The following PAK3 variants were observed in gnomAD, a reference collection of about 807,000 sequenced individuals.
PAK3 encodes the protein p21 (RAC1) activated kinase 3, also known as serine/threonine-protein kinase PAK 3.
PAK3 carries 4 observed loss-of-function variants against 41.0 expected under a neutral mutation model. The observed-to-expected ratio is 0.10, with a 90% CI of 0.05 to 0.22. The LOEUF is 0.22. Among genes scored for constraint, PAK3 ranks in the 10% least tolerant of loss-of-function variants. The pLI, the probability that PAK3 is intolerant of heterozygous loss-of-function variation, is 1.00. For synonymous variants in PAK3, 146 were observed against 139.6 expected, an observed-to-expected ratio of 1.05 and a Z score of -0.32; for missense variants, 205 against 409.9, an observed-to-expected ratio of 0.50 and a Z score of 4.32.
rs751110629 is a variant in PAK3, at chrX:111,214,945, T to C, written c.1408-1476T>C. 2.1e-4 allele frequency among the ~76,000 whole-genome samples: 23 copies of C among 111,678 alleles called. No homozygotes were observed. In the South Asian group the frequency reaches 8.5e-3, roughly 41 times the overall value. ...GGGCTAGTAATACCCTGGCAGTACC[T>C]GCAGGCAAACTCCTACTTATTCTTC... On this transcript the variant is annotated intron_variant, in intron 16 of 17. Coordinates refer to ENST00000372007, the MANE Select transcript of PAK3 (RefSeq NM_002578.5).
intron 13 of PAK3, among the ~76,000 whole-genome samples, chrX:111,193,249 T>C (rs2094576358): frequency 9.1e-6 from 1 of 109,750 alleles, no homozygotes; most frequent in Non-Finnish European, 1.9e-5. Flanking sequence ...TCAAACTCAA[T>C]AAGCTTAAGA....
At position 111,123,078 on chromosome X, in the gene PAK3, A is replaced by G. The variant is rs1277953719; in HGVS notation, c.-26A>G. On this transcript the variant is annotated splice_region_variant and 5_prime_UTR_variant, in exon 5 of 18. Transcript: ENST00000372007. ...TTTTTTTTCCCTCCTTTTCTTTAGG[A>G]GCTGTGAAATTAGTTGTAACTGAAA... 8.7e-7 allele frequency: 1 copy of G among 1,154,510 alleles called. No homozygotes were observed. Among genetic ancestry groups the G allele is most frequent in the African/African-American group, 1.8e-5 (1 of 55,631 alleles).
At chrX:111,147,994 CCTT>C (rs1569407402) in intron 7 of PAK3, 104 bp downstream of exon 7, 1 of 690,651 alleles carries the variant, frequency 1.4e-6, no homozygotes. Context: ...GATTCTAGTA[CCTT>C]CTTCAAATGA....
chrX:111,075,916 A>G (rs73539059), intron 1 of PAK3, among the ~76,000 whole-genome samples: 1,441 of 112,539 alleles, frequency 0.013, 30 homozygotes, highest in African/African-American at 0.044. Flanking sequence ...GTCAAGGGAG[A>G]ATATTTTGGA....
chrX:111,112,293 A>C (rs1193540851), intron 4 of PAK3, among the ~76,000 whole-genome samples: 1 of 109,349 alleles, frequency 9.1e-6, no homozygotes, highest in Non-Finnish European at 1.9e-5. Flanking sequence ...GACCTGAAAA[A>C]TGGTGTGGTT....
chrX:111,012,629 A>C (rs985719487), intron 1 of PAK3, among the ~76,000 whole-genome samples: 1 of 112,529 alleles, frequency 8.9e-6, no homozygotes, highest in Admixed American at 9.4e-5. Context: ...AGTTAACAGA[A>C]GATGAGGAAC....
chrX:110,971,286 G>T (rs1042097179), intron 1 of PAK3, among the ~76,000 whole-genome samples: 14 of 111,786 alleles, frequency 1.3e-4, no homozygotes, highest in African/African-American at 4.6e-4. Flanking sequence ...GTCTCCAGTT[G>T]GTCTCTATAG....
At chrX:110,984,744 A>T (rs2091510161) in intron 1 of PAK3, among the ~76,000 whole-genome samples, 1 of 111,200 alleles carries the variant, frequency 9.0e-6, no homozygotes. Flanking sequence ...TCACACAGAC[A>T]CTGTATCAGA....
intron 4 of PAK3, among the ~76,000 whole-genome samples, chrX:111,118,851 C>T (rs1255847385): frequency 1.8e-5 from 2 of 111,593 alleles, no homozygotes; most frequent in African/African-American, 6.5e-5. Context: ...TTTGCAGGAC[C>T]ATCTATTAAG....
chrX:110,952,073 A>T (rs907371836), intron 1 of PAK3, among the ~76,000 whole-genome samples: 13 of 112,326 alleles, frequency 1.2e-4, no homozygotes, highest in African/African-American at 4.2e-4. Flanking sequence ...ATAAACAGTG[A>T]TGTCACACTC....
intron 1 of PAK3, among the ~76,000 whole-genome samples, chrX:110,999,488 T>C (rs2091807408): frequency 9.0e-6 from 1 of 110,608 alleles, no homozygotes; most frequent in East Asian, 2.9e-4. Flanking sequence ...AATAAACCCC[T>C]TGGGACTGAG....
At chrX:111,160,618 C>T (rs994566923) in intron 8 of PAK3, among the ~76,000 whole-genome samples, 1 of 107,677 alleles carries the variant, frequency 9.3e-6, no homozygotes, top group Non-Finnish European at 1.9e-5. Context: ...CCTCCCCGCT[C>T]CCCCCACCCC....
chrX:110,991,166 AG>A (rs2091638252), intron 1 of PAK3, among the ~76,000 whole-genome samples: 1 of 110,796 alleles, frequency 9.0e-6, no homozygotes, highest in African/African-American at 3.3e-5. Flanking sequence ...AAACAAACCA[AG>A]GCAGAGGTTA....
intron 4 of PAK3, among the ~76,000 whole-genome samples, chrX:111,108,543 C>T (rs1208387867): frequency 1.8e-5 from 2 of 112,238 alleles, no homozygotes; most frequent in African/African-American, 3.2e-5. Context: ...CTTATGGGAG[C>T]GTGAGCCCTA....
intron 8 of PAK3, among the ~76,000 whole-genome samples, chrX:111,160,194 T>C (rs1314349199): frequency 9.0e-6 from 1 of 111,571 alleles, no homozygotes; most frequent in East Asian, 2.8e-4. Context: ...AATAGCACTG[T>C]CCAACAAATA....
chrX:110,971,991 G>A (rs768424759), intron 1 of PAK3, among the ~76,000 whole-genome samples: 2 of 111,079 alleles, frequency 1.8e-5, no homozygotes, highest in South Asian at 7.7e-4. Flanking sequence ...CCATAAGTGT[G>A]AGAGTTCATT....
At chrX:111,058,283 T>C (rs1473937945) in intron 1 of PAK3, among the ~76,000 whole-genome samples, 1 of 111,948 alleles carries the variant, frequency 8.9e-6, no homozygotes, top group Non-Finnish European at 1.9e-5. Flanking sequence ...TTGCCCCATT[T>C]ACATTACAAC....
At chrX:111,022,673 A>G (rs2092205202) in intron 1 of PAK3, among the ~76,000 whole-genome samples, 1 of 111,476 alleles carries the variant, frequency 9.0e-6, no homozygotes, top group African/African-American at 3.3e-5. Flanking sequence ...TGAATAGAAT[A>G]ATATCACACA....
chrX:111,024,701 G>C (rs2092244231), intron 1 of PAK3, among the ~76,000 whole-genome samples: 1 of 110,404 alleles, frequency 9.1e-6, no homozygotes, highest in Admixed American at 9.7e-5. Flanking sequence ...ATAATTGTGG[G>C]GGACTTTAAT....
Sources: gnomAD v4.1 joint callset for allele counts (sites outside exome capture counted in the v4.1 genomes callset) on GRCh38, gnomAD v4.1.1 for gene constraint, MANE v1.5 for transcripts, NCBI Gene and HGNC (gene_info 2026-07-23, HGNC 2026-07-21) for gene names.